Variants in JARID2 observed in about 807,000 individuals in gnomAD.
The protein encoded by JARID2 is protein Jumonji.
A neutral mutation model predicts 125.6 loss-of-function variants in JARID2; 21 were observed. That is an observed-to-expected ratio of 0.17 (90% confidence interval 0.12 to 0.24). The LOEUF (loss-of-function observed/expected upper bound fraction) is 0.24. Ranked by LOEUF, JARID2 falls within the 10% of genes least tolerant of loss-of-function variation. JARID2 has a pLI of 1.00. For synonymous variants in JARID2, 736 were observed against 661.6 expected (o/e 1.11, Z -1.73); for missense variants, 1,303 against 1,639.6 (o/e 0.79, Z 3.55).
At chr6:15,473,768 T>C (rs1210390887) in intron 5 of JARID2, among the ~76,000 whole-genome samples, 1 of 152,210 alleles carries the variant, frequency 6.6e-6, no homozygotes, top group Non-Finnish European at 1.5e-5. Flanking sequence ...TCCTTCCTGC[T>C]GTTGCCACAT....
intron 3 of JARID2, among the ~76,000 whole-genome samples, chr6:15,434,082 C>T (rs1242389631): frequency 6.6e-6 from 1 of 151,966 alleles, no homozygotes; most frequent in Admixed American, 6.6e-5. Context: ...GGGAATCTGC[C>T]CGTAAAACAC....
intron 1 of JARID2, among the ~76,000 whole-genome samples, chr6:15,327,178 G>C (rs1450110177): frequency 6.6e-6 from 1 of 152,034 alleles, no homozygotes; most frequent in Non-Finnish European, 1.5e-5. Flanking sequence ...TTTGGGGTTG[G>C]TGCTGTTTCT....
chr6:15,361,785 C>T (rs1406264785), intron 1 of JARID2, among the ~76,000 whole-genome samples: 3 of 151,750 alleles, frequency 2.0e-5, no homozygotes, highest in South Asian at 2.1e-4. Context: ...CTGGGATGCA[C>T]GGACCAAAGA....
At chr6:15,361,895 T>TCC (rs1561814140) in intron 1 of JARID2, among the ~76,000 whole-genome samples, 28 of 143,114 alleles carry the variant, frequency 2.0e-4, no homozygotes, top group African/African-American at 7.0e-4. Flanking sequence ...GAGCCCCCTT[T>TCC]TTTTTTTTTT....
At chr6:15,420,300 G>A (rs527739249) in intron 3 of JARID2, among the ~76,000 whole-genome samples, 2 of 151,724 alleles carry the variant, frequency 1.3e-5, no homozygotes, top group Admixed American at 1.3e-4. Flanking sequence ...CTACTCAGGA[G>A]GCTGAGGCAG....
chr6:15,500,816 T>G, intron 7 of JARID2, 91 bp from the exon 8 acceptor site: 1 of 1,116,258 alleles, frequency 9.0e-7, no homozygotes. Context: ...TGGCTCATAG[T>G]AGGAGTTCAA....
chr6:15,429,156 A>G (rs964322027), intron 3 of JARID2, among the ~76,000 whole-genome samples: 7 of 152,082 alleles, frequency 4.6e-5, no homozygotes, highest in East Asian at 1.9e-4. Flanking sequence ...TGTATCCCCA[A>G]TGGTGGCAGA....
intron 1 of JARID2, among the ~76,000 whole-genome samples, chr6:15,332,562 A>G (rs557759157): frequency 1.3e-5 from 2 of 152,238 alleles, no homozygotes; most frequent in Non-Finnish European, 1.5e-5. Flanking sequence ...AAAAGCCTGT[A>G]CAGCAGCTCC....
chr6:15,443,015 T>C (rs1459784176), intron 3 of JARID2, among the ~76,000 whole-genome samples: 1 of 152,166 alleles, frequency 6.6e-6, no homozygotes, highest in Non-Finnish European at 1.5e-5. Flanking sequence ...CTTGTAGATA[T>C]TTAGTGCTAT....
chr6:15,451,853 TGA>T (rs1257347871), intron 3 of JARID2, among the ~76,000 whole-genome samples, 151 bp from the exon 4 acceptor site: 2 of 152,236 alleles, frequency 1.3e-5, no homozygotes, highest in African/African-American at 2.4e-5. Flanking sequence ...CTGTGGTTTA[TGA>T]GAGTGTGAGA....
At chr6:15,477,564 G>GT (rs538350721) in intron 5 of JARID2, among the ~76,000 whole-genome samples, 34 of 142,008 alleles carry the variant, frequency 2.4e-4, no homozygotes, top group Non-Finnish European at 5.0e-4. Context: ...GTTATACAAT[G>GT]TATGTTTCTA....
intron 3 of JARID2, among the ~76,000 whole-genome samples, chr6:15,438,751 A>G (rs916826614): frequency 1.3e-5 from 2 of 152,100 alleles, no homozygotes; most frequent in Admixed American, 6.5e-5. Flanking sequence ...TACTGTGGCC[A>G]TGCTCGGTGG....
chr6:15,314,031 A>G (rs569609408), intron 1 of JARID2, among the ~76,000 whole-genome samples: 1 of 152,276 alleles, frequency 6.6e-6, no homozygotes, highest in African/African-American at 2.4e-5. Context: ...CCCAAGGCCC[A>G]AGGTGTCCTG....
At chr6:15,248,364 A>C (rs1348058293) in intron 1 of JARID2, 2 of 120,008 alleles carry the variant, frequency 1.7e-5, no homozygotes, top group East Asian at 2.7e-4. Flanking sequence ...GCAGGCGGGC[A>C]GGAGGGCGGG....
chr6:15,381,259 G>C (rs942228642), intron 2 of JARID2, among the ~76,000 whole-genome samples: 4 of 149,188 alleles, frequency 2.7e-5, no homozygotes, highest in African/African-American at 9.9e-5. Context: ...GGAGAATGGC[G>C]TGAACCTGGG....
intron 1 of JARID2, among the ~76,000 whole-genome samples, chr6:15,277,526 G>A (rs1448334732): frequency 6.6e-6 from 1 of 152,136 alleles, no homozygotes; most frequent in Non-Finnish European, 1.5e-5. Context: ...CCTGGGTAAG[G>A]TTTCTCAGGG....
chr6:15,372,023 T>A (rs1193362628), intron 1 of JARID2, among the ~76,000 whole-genome samples: 1 of 152,224 alleles, frequency 6.6e-6, no homozygotes, highest in Non-Finnish European at 1.5e-5. Flanking sequence ...AGAATTACTC[T>A]CATTCTAGGA....
At chr6:15,319,989 G>A (rs1289066356) in intron 1 of JARID2, among the ~76,000 whole-genome samples, 1 of 152,226 alleles carries the variant, frequency 6.6e-6, no homozygotes, top group Non-Finnish European at 1.5e-5. Context: ...CCATACGCTT[G>A]TTAGGGAGTG....
intron 12 of JARID2, among the ~76,000 whole-genome samples, chr6:15,510,179 T>C (rs1771205954): frequency 6.6e-6 from 1 of 152,048 alleles, no homozygotes; most frequent in South Asian, 2.1e-4. Flanking sequence ...TCTTTGTGTT[T>C]AATGGTGGTT....
Sources: allele counts gnomAD v4.1 joint callset (sites outside exome capture counted in the v4.1 genomes callset), GRCh38; gene constraint gnomAD v4.1.1; transcripts MANE v1.5; gene names NCBI Gene and HGNC (gene_info 2026-07-23, HGNC 2026-07-21).